The following CAMTA1 variants were observed in gnomAD, a reference collection of about 807,000 sequenced individuals.
CAMTA1 encodes the protein calmodulin-binding transcription activator 1.
Under a neutral mutation model 170.9 loss-of-function variants are expected in CAMTA1, and 27 were observed. That is an observed-to-expected ratio of 0.16 (90% CI 0.12 to 0.22). The LOEUF (loss-of-function observed/expected upper bound fraction) is 0.22, where lower values mean the gene tolerates loss of function less well. Ranked by LOEUF, CAMTA1 falls within the 10% of genes least tolerant of loss-of-function variation. CAMTA1 has a pLI of 1.00. For missense variants in CAMTA1, 1,619 were observed against 2,217.2 expected, an observed-to-expected ratio of 0.73 and a Z score of 5.42; for synonymous variants, 833 against 891.5, an observed-to-expected ratio of 0.93 and a Z score of 1.17.
chr1:7,116,674 GTC>G (rs1297329404), intron 4 of CAMTA1, among the ~76,000 whole-genome samples: 1,778 of 145,966 alleles, frequency 0.012, 40 homozygotes, highest in African/African-American at 0.042. Context: ...TTTTTATGGA[GTC>G]TCTCTCTGTC....
rs1171891418 is a variant in CAMTA1 at position 7,592,310 on chromosome 1, G to A, written c.511-48090G>A. ...TCCTTCCCCTTTGTGCTAGCTCACC[G>A]GACTGGCAGCAGACAGCATCTGGTC... is the stretch of plus-strand genomic sequence containing the variant. On this transcript the variant is annotated intron_variant, in intron 6 of 22. Transcript: ENST00000303635. The surrounding 1 kb of genome is among the most constrained non-coding windows in gnomAD (Gnocchi z 4.6). 7.9e-5 allele frequency among the ~76,000 whole-genome samples: 12 copies of A among 152,122 alleles called. No individual in the cohort carries two copies. The highest frequency in any genetic ancestry group is 2.1e-4 in the South Asian group (1 of 4,824).
intron 6 of CAMTA1, among the ~76,000 whole-genome samples, chr1:7,479,042 C>T (rs985405832): frequency 6.6e-6 from 1 of 152,168 alleles, no homozygotes; most frequent in East Asian, 1.9e-4. Context: ...GTGGGTGACC[C>T]ACTCTGCGTG....
chr1:7,212,032 A>T (rs1158950004), intron 4 of CAMTA1, among the ~76,000 whole-genome samples: 1 of 152,192 alleles, frequency 6.6e-6, no homozygotes, highest in African/African-American at 2.4e-5. Flanking sequence ...AATATATATA[A>T]AATAATGAAA....
chr1:7,281,565 A>G (rs903594479), intron 5 of CAMTA1, among the ~76,000 whole-genome samples: 6 of 152,242 alleles, frequency 3.9e-5, no homozygotes, highest in African/African-American at 1.4e-4. Flanking sequence ...TAATCATGCT[A>G]AATTAGAAAA....
chr1:7,368,325 C>T (rs1314872498), intron 5 of CAMTA1, among the ~76,000 whole-genome samples: 1 of 151,346 alleles, frequency 6.6e-6, no homozygotes, highest in Non-Finnish European at 1.5e-5. Context: ...TGGGCGCAGA[C>T]ACTGGGCACT....
At chr1:7,607,162 T>C (rs2150631738) in intron 6 of CAMTA1, among the ~76,000 whole-genome samples, 1 of 149,034 alleles carries the variant, frequency 6.7e-6, no homozygotes. Context: ...GATGGTTAGA[T>C]GGGTGGTTGG....
chr1:7,448,994 A>G (rs1194391171), intron 5 of CAMTA1, among the ~76,000 whole-genome samples: 1 of 152,358 alleles, frequency 6.6e-6, no homozygotes, highest in African/African-American at 2.4e-5. Flanking sequence ...GTTTCCCAAA[A>G]CAAACAATAA....
Position 7,758,827 on chromosome 1 carries a change from C to T in CAMTA1, c.4989+3159C>T, listed in dbSNP as rs6684442. ...GCGGGCGCCTGTAGTCCCAGCTACT[C>T]GGGAGGCTGAGGCAGGAGAATGGTG... On this transcript the variant is annotated intron_variant, in intron 22 of 22. Coordinates refer to ENST00000303635, the MANE Select transcript of CAMTA1 (RefSeq NM_015215.4). Among the ~76,000 whole-genome samples the T allele has an allele frequency of 6.2e-3, 916 of 147,506 alleles. 11 individuals are homozygous for T. The highest frequency in any genetic ancestry group is 0.022 in the African/African-American group (882 of 39,914).
At chr1:7,350,950 C>T (rs546181162) in intron 5 of CAMTA1, among the ~76,000 whole-genome samples, 2 of 152,360 alleles carry the variant, frequency 1.3e-5, no homozygotes, top group South Asian at 2.1e-4. Flanking sequence ...GTGGCCCAAG[C>T]TTCCAGGGCT....
intron 3 of CAMTA1, among the ~76,000 whole-genome samples, chr1:7,046,958 TG>T (rs1386247094): frequency 6.6e-6 from 1 of 152,224 alleles, no homozygotes; most frequent in Non-Finnish European, 1.5e-5. Context: ...TTTTTCCTCC[TG>T]GGTGCCCATG....
intron 3 of CAMTA1, among the ~76,000 whole-genome samples, chr1:6,911,720 A>T (rs1489369707): frequency 1.3e-5 from 2 of 152,146 alleles, no homozygotes; most frequent in African/African-American, 2.4e-5. Flanking sequence ...TGAGCTCCTC[A>T]TCTGAAAAAT....
chr1:6,816,744 G>A (rs906105206), intron 1 of CAMTA1, among the ~76,000 whole-genome samples: 3 of 152,202 alleles, frequency 2.0e-5, no homozygotes, highest in African/African-American at 7.2e-5. Flanking sequence ...GGCTCTGCAG[G>A]TGCTTAAGGC....
chr1:7,335,127 T>TGTGCGTGTGTGTGTGTGA, intron 5 of CAMTA1, among the ~76,000 whole-genome samples: 1 of 31,886 alleles, frequency 3.1e-5, no homozygotes, highest in African/African-American at 7.9e-5. Context: ...ACAGCTTTTG[T>TGTGCGTGTGTGTGTGTGA]GTGTGTGTGT....
chr1:7,262,562 CA>C (rs925827887), intron 5 of CAMTA1, among the ~76,000 whole-genome samples: 1 of 151,350 alleles, frequency 6.6e-6, no homozygotes, highest in Non-Finnish European at 1.5e-5. Context: ...AACTCCACCT[CA>C]AAAAAAAGTC....
At chr1:7,487,513 G>A (rs2093633810) in intron 6 of CAMTA1, among the ~76,000 whole-genome samples, 1 of 152,222 alleles carries the variant, frequency 6.6e-6, no homozygotes, top group Non-Finnish European at 1.5e-5. Flanking sequence ...GGCACCTCTT[G>A]AGATTTCCAC....
rs56382342 is a variant in CAMTA1, at chr1:7,323,507, C to CTTTTTTTTT, written c.438+73898_438+73906dup. 9.7e-3 allele frequency among the ~76,000 whole-genome samples: 1,062 copies of CTTTTTTTTT among 109,002 alleles called. 6 individuals carry two copies. Among genetic ancestry groups the CTTTTTTTTT allele is most frequent in the Non-Finnish European group, 0.013 (721 of 57,146 alleles). 71.5% of individuals were successfully genotyped at this position (109,002 alleles called of 152,430 possible). A position where few individuals can be genotyped will look rare whatever the true frequency, so the allele number is the denominator to read the frequency against. On this transcript the variant is annotated intron_variant, in intron 5 of 22. Transcript: ENST00000303635. Reference sequence around the variant, plus strand: ...GGATGATTCTATTTCCTTTATTCTTCTTTTTTTTTTTTTTTTTTTTTTTTT... The same window carrying CTTTTTTTTT: ...GGATGATTCTATTTCCTTTATTCTTCTTTTTTTTTTTTTTTTTTTTTTTTTTTTTTTTTT...
chr1:6,865,843 A>G (rs530165637), intron 3 of CAMTA1, among the ~76,000 whole-genome samples: 10 of 152,342 alleles, frequency 6.6e-5, no homozygotes, highest in East Asian at 1.9e-4. Flanking sequence ...ACCTGAACCC[A>G]GGTTCAAGGA....
intron 6 of CAMTA1, among the ~76,000 whole-genome samples, chr1:7,518,273 G>A (rs6693468): frequency 0.51 from 77,374 of 151,706 alleles, 21,329 homozygotes; most frequent in Non-Finnish European, 0.61. Flanking sequence ...AGCCCCTCCC[G>A]GAGGTGTGGC....
intron 11 of CAMTA1, among the ~76,000 whole-genome samples, chr1:7,711,400 G>GA (rs1377697719): frequency 4.6e-5 from 7 of 152,132 alleles, no homozygotes; most frequent in African/African-American, 1.7e-4. Context: ...AAGGTGCCCT[G>GA]ATCAGGGATG....
Sources: gnomAD v4.1 joint callset for allele counts (sites outside exome capture counted in the v4.1 genomes callset) on GRCh38, gnomAD v4.1.1 for gene constraint, Gnocchi (gnomAD v3.1) non-coding constraint, MANE v1.5 for transcripts, NCBI Gene and HGNC (gene_info 2026-07-23, HGNC 2026-07-21) for gene names.